Variants in TMTC3 observed in about 807,000 individuals in gnomAD.
TMTC3 encodes protein O-mannosyl-transferase TMTC3.
TMTC3 carries 52 observed loss-of-function variants against 92.2 expected under a neutral mutation model. That is an observed-to-expected ratio of 0.56 (90% CI 0.45 to 0.71). The LOEUF is 0.71. Among genes scored for constraint, TMTC3 ranks in the 30% least tolerant of loss-of-function variants. TMTC3 has a pLI of 0.00. For synonymous variants in TMTC3, 339 were observed against 363.3 expected (o/e 0.93, Z 0.76); for missense variants, 896 against 1,057.1 (o/e 0.85, Z 2.11).
chr12:88,194,862 C>T lies in TMTC3; in HGVS notation c.1958C>T (p.Ala653Val). ...GGTGAGGTTAAACTCAGACCTGAAG[C>T]TAGAAAACGACTTCTAAGTTATATA... ...ESGEVKLRPE[A>V]RKRLLSYINE... The change falls in exon 14 of 14, where the codon GCT (alanine) becomes GTT (valine). Residue 653 changes from alanine to valine, a missense_variant. By Grantham distance (64) the Ala-to-Val change is moderately conservative. Transcript: ENST00000266712. 2 of 1,598,278 alleles carry T rather than the reference C, an allele frequency of 1.3e-6. No individual in the cohort carries two copies. Among genetic ancestry groups the T allele is most frequent in the South Asian group, 2.3e-5 (2 of 87,240 alleles).
intron 8 of TMTC3, among the ~76,000 whole-genome samples, chr12:88,173,892 C>A (rs921904164): frequency 5.3e-5 from 8 of 152,222 alleles, no homozygotes; most frequent in South Asian, 2.1e-4. Context: ...TTCAGATTCA[C>A]ATCTGACTGC....
At chr12:88,164,748 C>A (rs182255140) in intron 6 of TMTC3, among the ~76,000 whole-genome samples, 157 of 152,300 alleles carry the variant, frequency 1.0e-3, no homozygotes, top group African/African-American at 3.7e-3. Context: ...ATGTTATTCA[C>A]ATTATGTTAC....
In TMTC3 at chr12:88,147,024, AG is replaced by A. The variant is rs1301325669; in HGVS notation, c.-28-1263del. ...AAGGTTGCAGTTACTCTAAAAAATC[AG>A]ATGCATAATTTAATATTGTTTATTA... On this transcript the variant is annotated intron_variant, in intron 1 of 13. Transcript: ENST00000266712. Among the ~76,000 whole-genome samples the A allele has an allele frequency of 4.0e-5, 6 of 150,300 alleles. No individual in the cohort carries two copies. The East Asian group carries it at 1.2e-3, about 29-fold the overall frequency.
At chr12:88,146,192 CCACAA>C (rs2040871412) in intron 1 of TMTC3, among the ~76,000 whole-genome samples, 1 of 152,096 alleles carries the variant, frequency 6.6e-6, no homozygotes. Context: ...TAAGATGACT[CCACAA>C]CTGAGCTCGT....
At chr12:88,150,617 G>A (rs753293003) in intron 2 of TMTC3, among the ~76,000 whole-genome samples, 1 of 152,154 alleles carries the variant, frequency 6.6e-6, no homozygotes, top group Non-Finnish European at 1.5e-5. Flanking sequence ...GAGTGTAGTT[G>A]TGTAGTTTCC....
At chr12:88,174,002 C>T (rs1242494377) in intron 8 of TMTC3, among the ~76,000 whole-genome samples, 2 of 152,034 alleles carry the variant, frequency 1.3e-5, no homozygotes, top group Non-Finnish European at 2.9e-5. Context: ...AACAAAAACA[C>T]AGACTCAGAG....
intron 12 of TMTC3, 125 bp from the exon 13 acceptor site, chr12:88,192,479 T>C: frequency 1.6e-6 from 1 of 620,404 alleles, no homozygotes. Flanking sequence ...AAAGAGAGTT[T>C]TTTAAGAGTC....
At chr12:88,186,059 T>C in intron 10 of TMTC3, among the ~76,000 whole-genome samples, 1 of 152,132 alleles carries the variant, frequency 6.6e-6, no homozygotes, top group East Asian at 1.9e-4. Flanking sequence ...ATACTGAAAC[T>C]CTACATAATT....
chr12:88,158,789 C>T (rs1387644931), intron 4 of TMTC3, among the ~76,000 whole-genome samples: 4 of 152,026 alleles, frequency 2.6e-5, no homozygotes, highest in South Asian at 4.1e-4. Flanking sequence ...CAGTGGCTCA[C>T]GCCTGTAATC....
At chr12:88,180,395 TGAAA>T (rs1430086942) in intron 10 of TMTC3, among the ~76,000 whole-genome samples, 3 of 151,954 alleles carry the variant, frequency 2.0e-5, no homozygotes, top group Admixed American at 1.3e-4. Flanking sequence ...GGTAACAGGG[TGAAA>T]GAAAGGCGGA....
intron 6 of TMTC3, among the ~76,000 whole-genome samples, chr12:88,162,678 T>C (rs2041093556): frequency 6.6e-6 from 1 of 152,178 alleles, no homozygotes; most frequent in Admixed American, 6.5e-5. Context: ...TTCTATTGCT[T>C]TAATGTCCTT....
At chr12:88,166,993 T>G (rs2041151005) in intron 7 of TMTC3, among the ~76,000 whole-genome samples, 1 of 3,778 alleles carries the variant, frequency 2.6e-4, no homozygotes, top group South Asian at 0.056. Flanking sequence ...ATTTGAACAG[T>G]TTTTTTTTTT....
At position 88,172,874 on chromosome 12, in the gene TMTC3, T is replaced by C. The variant is rs149546088; in HGVS notation, c.1199+129T>C. ...CTTTTGGTTTTTCATCTCCATAGTC[T>C]CCTCATTTGTCTTGTAAGTCAAGTT... On this transcript the variant is annotated intron_variant, in intron 8 of 13. Transcript: ENST00000266712. 8.0e-6 allele frequency: 12 copies of C among 1,495,520 alleles called. No homozygotes were observed. In the African/African-American group the frequency reaches 1.5e-4, roughly 19 times the overall value. The allele number at this position is 1,495,520 out of a possible 1,614,324, so 92.6% of individuals were successfully genotyped here. A position where few individuals can be genotyped will look rare whatever the true frequency, so the allele number is the denominator to read the frequency against.
chr12:88,145,168 C>T (rs1406011071), intron 1 of TMTC3, among the ~76,000 whole-genome samples: 3 of 152,124 alleles, frequency 2.0e-5, no homozygotes, highest in African/African-American at 4.8e-5. Flanking sequence ...CTTACTTCTC[C>T]GATCTCTAAA....
At chr12:88,186,786 C>T (rs992752544) in intron 10 of TMTC3, among the ~76,000 whole-genome samples, 1 of 151,992 alleles carries the variant, frequency 6.6e-6, no homozygotes, top group African/African-American at 2.4e-5. Flanking sequence ...ATTTTATTAG[C>T]TGTATTGAGT....
intron 6 of TMTC3, among the ~76,000 whole-genome samples, chr12:88,164,189 C>CAAAAA (rs1008391943): frequency 2.0e-5 from 1 of 48,782 alleles, no homozygotes; most frequent in Non-Finnish European, 4.4e-5. Flanking sequence ...GACTTTGTCT[C>CAAAAA]AAAAAAAAAA....
chr12:88,164,917 A>G (rs1203303787), intron 6 of TMTC3, among the ~76,000 whole-genome samples: 1 of 152,088 alleles, frequency 6.6e-6, no homozygotes, highest in East Asian at 1.9e-4. Context: ...CTCTGAGTCT[A>G]GCCGTGCTAA....
chr12:88,166,636 A>G (rs911171506), intron 7 of TMTC3, 54 bp downstream of exon 7: 6 of 1,540,666 alleles, frequency 3.9e-6, no homozygotes, highest in Non-Finnish European at 5.2e-6. Flanking sequence ...TGAATAAGTA[A>G]GAAACTACCT....
chr12:88,179,678 G>A (rs1057433351), intron 10 of TMTC3, among the ~76,000 whole-genome samples: 6 of 152,000 alleles, frequency 3.9e-5, no homozygotes, highest in African/African-American at 1.2e-4. Context: ...GCTTAGCACC[G>A]CCAATGAGAG....
Sources: allele counts gnomAD v4.1 joint callset (sites outside exome capture counted in the v4.1 genomes callset), GRCh38; gene constraint gnomAD v4.1.1; transcripts MANE v1.5; gene names NCBI Gene and HGNC (gene_info 2026-07-23, HGNC 2026-07-21).